Variants in COL19A1 observed in about 807,000 individuals in gnomAD.
COL19A1 encodes collagen alpha-1(XIX) chain.
COL19A1 carries 159 observed loss-of-function variants against 190.2 expected under a neutral mutation model. The observed-to-expected ratio is 0.84, with a 90% CI of 0.73 to 0.95. COL19A1 has a LOEUF of 0.95. Ranked by LOEUF, COL19A1 falls within the 40% of genes least tolerant of loss-of-function variation. The pLI, the probability that COL19A1 is intolerant of heterozygous loss-of-function variation, is 0.00. For missense variants in COL19A1, 1,418 were observed against 1,431.9 expected, an observed-to-expected ratio of 0.99 and a Z score of 0.16; for synonymous variants, 509 against 458.9, an observed-to-expected ratio of 1.11 and a Z score of -1.39.
In COL19A1 at chr6:69,921,379, T is replaced by TATATATCATATATATC. The variant is rs1442636593; in HGVS notation, c.267-6491_267-6476dup. ...ATAATCATATATATCATATATATCA[T>TATATATCATATATATC]ATATATCATATATATCATATATCAT... is the stretch of plus-strand genomic sequence containing the variant. On this transcript the variant is annotated intron_variant, in intron 4 of 50. Transcript: ENST00000620364. Among the ~76,000 whole-genome samples, 968 of 111,388 alleles carry TATATATCATATATATC rather than the reference T, an allele frequency of 8.7e-3. 28 individuals carry two copies. Among genetic ancestry groups the TATATATCATATATATC allele is most frequent in the Middle Eastern group, 0.012 (1 of 84 alleles). 73.1% of individuals were successfully genotyped at this position (111,388 alleles called of 152,430 possible).
intron 48 of COL19A1, among the ~76,000 whole-genome samples, chr6:70,193,477 C>T (rs375858394): frequency 3.3e-5 from 5 of 152,158 alleles, no homozygotes; most frequent in East Asian, 1.9e-4. Context: ...GCAGAGTCCT[C>T]CCCAGGTCTC....
At chr6:70,107,799 T>C (rs1784062948) in intron 16 of COL19A1, among the ~76,000 whole-genome samples, 1 of 152,164 alleles carries the variant, frequency 6.6e-6, no homozygotes, top group Non-Finnish European at 1.5e-5. Context: ...TCAGTGATGT[T>C]TTTTCTCCCG....
At chr6:69,929,728 G>T (rs1376033355) in intron 6 of COL19A1, 28 bp downstream of exon 6, 7 of 1,544,820 alleles carry the variant, frequency 4.5e-6, no homozygotes, top group Non-Finnish European at 6.1e-6. Flanking sequence ...TTGTGAAAGA[G>T]AACTAAAATT....
intron 34 of COL19A1, 22 bp downstream of exon 34, chr6:70,156,745 A>T (rs763252418): frequency 6.3e-7 from 1 of 1,582,948 alleles, no homozygotes; most frequent in South Asian, 1.1e-5. Flanking sequence ...TTTTCTGATT[A>T]TATAGTCCTA....
rs1398677275 is a variant in COL19A1 at position 70,211,034 on chromosome 6, G to A, written c.*3760G>A. On this transcript the variant is annotated 3_prime_UTR_variant, in exon 51 of 51. Coordinates refer to ENST00000620364, the MANE Select transcript of COL19A1 (RefSeq NM_001858.6). ...AGCTAAATAATTATCCTACTTTTTA[G>A]ACAGGACAGATACTCTCAACAGACA... Among the ~76,000 whole-genome samples the A allele has an allele frequency of 1.4e-5, 2 of 139,476 alleles. No homozygotes were observed. Among genetic ancestry groups the A allele is most frequent in the Non-Finnish European group, 3.1e-5 (2 of 63,620 alleles). 91.5% of individuals were successfully genotyped at this position (139,476 alleles called of 152,430 possible). A position where few individuals can be genotyped will look rare whatever the true frequency, so the allele number is the denominator to read the frequency against.
intron 15 of COL19A1, among the ~76,000 whole-genome samples, chr6:70,083,600 T>C (rs1272682765): frequency 1.3e-5 from 2 of 152,162 alleles, no homozygotes; most frequent in African/African-American, 4.8e-5. Flanking sequence ...AACAAAAACT[T>C]TATCACCAGC....
At chr6:69,927,825 G>A (rs1772494489) in intron 4 of COL19A1, 84 bp from the exon 5 acceptor site, 2 of 1,476,204 alleles carry the variant, frequency 1.4e-6, no homozygotes, top group Non-Finnish European at 1.8e-6. Flanking sequence ...CTGAGATATT[G>A]TGTTACACAG....
intron 19 of COL19A1, among the ~76,000 whole-genome samples, chr6:70,138,149 A>G (rs1163975712): frequency 1.3e-5 from 2 of 152,190 alleles, no homozygotes; most frequent in African/African-American, 4.8e-5. Context: ...TAATAAAATC[A>G]ATGTATCAAA....
intron 1 of COL19A1, among the ~76,000 whole-genome samples, chr6:69,878,898 A>G (rs1768316781): frequency 6.6e-6 from 1 of 152,240 alleles, no homozygotes; most frequent in Non-Finnish European, 1.5e-5. Flanking sequence ...GAAACAATGT[A>G]CAAAATGATG....
At chr6:70,091,627 A>C (rs1340641017) in intron 15 of COL19A1, among the ~76,000 whole-genome samples, 2 of 152,302 alleles carry the variant, frequency 1.3e-5, no homozygotes, top group East Asian at 3.9e-4. Flanking sequence ...TGAGTTTTGT[A>C]AATGTAAATG....
At chr6:70,002,162 T>G (rs929859334) in intron 11 of COL19A1, among the ~76,000 whole-genome samples, 5 of 152,162 alleles carry the variant, frequency 3.3e-5, no homozygotes, top group African/African-American at 1.2e-4. Flanking sequence ...TGTGATGGAT[T>G]TCATTTATTG....
intron 9 of COL19A1, among the ~76,000 whole-genome samples, chr6:69,956,124 C>T (rs867371449): frequency 6.6e-6 from 1 of 151,922 alleles, no homozygotes; most frequent in South Asian, 2.1e-4. Context: ...CACACATATA[C>T]ATATACACTC....
intron 11 of COL19A1, among the ~76,000 whole-genome samples, chr6:69,968,801 T>C (rs1775260670): frequency 6.6e-6 from 1 of 152,168 alleles, no homozygotes; most frequent in Admixed American, 6.5e-5. Context: ...TAAGGATGTT[T>C]ATATAATATA....
intron 34 of COL19A1, 63 bp downstream of exon 34, chr6:70,156,786 G>A (rs1409304711): frequency 7.5e-7 from 1 of 1,336,884 alleles, no homozygotes; most frequent in Non-Finnish European, 1.0e-6. Flanking sequence ...GCTCAACAGA[G>A]TAAAAATGTT....
In COL19A1 at chr6:70,027,557, C is replaced by CTG. The variant is rs10585617; in HGVS notation, c.1080+3899_1080+3900dup. Among the ~76,000 whole-genome samples the CTG allele has an allele frequency of 2.0e-3, 301 of 150,350 alleles. 1 individual carries two copies. The highest frequency in any genetic ancestry group is 3.2e-3 in the African/African-American group (131 of 41,014). ...TGATATTTTTCTAAGTGTATCTTAA[C>CTG]TGTGTGTGTGTGTGTGTGTGTGTTT... On this transcript the variant is annotated intron_variant, in intron 12 of 50. Coordinates refer to ENST00000620364, the MANE Select transcript of COL19A1 (RefSeq NM_001858.6).
chr6:70,190,970 G>A (rs1766833164), intron 48 of COL19A1, among the ~76,000 whole-genome samples: 3 of 152,178 alleles, frequency 2.0e-5, no homozygotes, highest in Admixed American at 2.0e-4. Context: ...TTCATGATAT[G>A]TGAAAATTAT....
intron 4 of COL19A1, among the ~76,000 whole-genome samples, chr6:69,912,446 T>C (rs1055944239): frequency 6.6e-5 from 10 of 152,238 alleles, no homozygotes; most frequent in Non-Finnish European, 1.5e-4. Flanking sequence ...CATGTGTTCA[T>C]GTTCAAAAGC....
At chr6:70,108,732 T>G (rs1287869385) in intron 16 of COL19A1, among the ~76,000 whole-genome samples, 2 of 152,114 alleles carry the variant, frequency 1.3e-5, no homozygotes, top group Non-Finnish European at 2.9e-5. Context: ...AATAAAACTC[T>G]GCAGCATTAA....
rs754305514 is a variant in COL19A1, at chr6:69,927,969, A to G, written c.327A>G (p.Arg109=). The change falls in exon 5 of 51, where the codon CGA becomes CGG. Residue 109 remains arginine, a synonymous_variant. Transcript: ENST00000620364. ...EYSVAAMFRV[R]RNAKKERWFL... ...CAGTAGCTGCCATGTTTCGAGTACG[A>G]AGAAACGCCAAAAAGGAACGGTGGT... 6.2e-7 allele frequency: 1 copy of G among 1,613,492 alleles called. No homozygotes were observed. The highest frequency in any genetic ancestry group is 1.7e-5 in the Admixed American group (1 of 59,948).
Sources: allele counts gnomAD v4.1 joint callset (sites outside exome capture counted in the v4.1 genomes callset), GRCh38; gene constraint gnomAD v4.1.1; transcripts MANE v1.5; gene names NCBI Gene and HGNC (gene_info 2026-07-23, HGNC 2026-07-21).